Variants in CUX2 observed in about 807,000 individuals in gnomAD.
CUX2 encodes the protein homeobox protein cut-like 2.
In CUX2, 40 loss-of-function variants were observed where a neutral mutation model predicts 144.8. The ratio of observed to expected loss-of-function variants is 0.28; its 90% confidence interval spans 0.21 to 0.36. The LOEUF (loss-of-function observed/expected upper bound fraction) is 0.36. Among genes scored for constraint, CUX2 ranks in the 10% least tolerant of loss-of-function variants. CUX2 has a pLI of 1.00. For missense variants in CUX2, 1,615 were observed against 1,994.0 expected, an observed-to-expected ratio of 0.81 and a Z score of 3.62; for synonymous variants, 827 against 875.6, an observed-to-expected ratio of 0.94 and a Z score of 0.98.
chr12:111,242,271 A>G (rs1005182168), intron 3 of CUX2, among the ~76,000 whole-genome samples: 5 of 152,232 alleles, frequency 3.3e-5, no homozygotes, highest in African/African-American at 1.2e-4. Context: ...TGACTTTCCT[A>G]AGTTGCAACA....
intron 1 of CUX2, among the ~76,000 whole-genome samples, chr12:111,099,214 C>T (rs1873033954): frequency 6.6e-6 from 1 of 152,212 alleles, no homozygotes; most frequent in East Asian, 1.9e-4. Flanking sequence ...GAGGCAGGAA[C>T]GTGTGTTCAA....
intron 3 of CUX2, among the ~76,000 whole-genome samples, chr12:111,232,240 G>T (rs1220497819): frequency 6.6e-6 from 1 of 151,844 alleles, no homozygotes; most frequent in African/African-American, 2.4e-5. Context: ...GGAGGGTTGG[G>T]CACAATGGTT....
intron 21 of CUX2, 60 bp from the exon 22 acceptor site, chr12:111,347,464 G>A (rs1342196077): frequency 2.0e-6 from 3 of 1,479,758 alleles, no homozygotes; most frequent in Non-Finnish European, 1.8e-6. Flanking sequence ...GTATGCAGAT[G>A]GAGTCCAGGG....
At chr12:111,205,563 A>G (rs566181403) in intron 1 of CUX2, among the ~76,000 whole-genome samples, 2 of 152,294 alleles carry the variant, frequency 1.3e-5, no homozygotes, top group East Asian at 3.9e-4. Flanking sequence ...TCATGCACAC[A>G]GCCCCCACCC....
At chr12:111,288,526 C>T (rs1885508551) in intron 4 of CUX2, among the ~76,000 whole-genome samples, 2 of 151,852 alleles carry the variant, frequency 1.3e-5, no homozygotes, top group Non-Finnish European at 2.9e-5. Context: ...CAGATACTGG[C>T]AGAAAAATCT....
intron 1 of CUX2, among the ~76,000 whole-genome samples, chr12:111,047,191 A>G (rs1048521185): frequency 2.0e-5 from 3 of 152,182 alleles, no homozygotes; most frequent in Non-Finnish European, 4.4e-5. Flanking sequence ...ATTCCGCGAG[A>G]TGGAATTCTC....
intron 1 of CUX2, among the ~76,000 whole-genome samples, chr12:111,094,039 A>C (rs919352126): frequency 6.6e-6 from 1 of 152,222 alleles, no homozygotes; most frequent in East Asian, 1.9e-4. Flanking sequence ...GGCTGTTTAA[A>C]TAAGTATCTA....
In CUX2 at chr12:111,222,368, G is replaced by C. The variant is rs557103424; in HGVS notation, c.222+4431G>C. Among the ~76,000 whole-genome samples the C allele has an allele frequency of 2.0e-3, 305 of 152,308 alleles. 1 individual carries two copies. Among genetic ancestry groups the C allele is most frequent in the African/African-American group, 6.4e-3 (268 of 41,574 alleles). On this transcript the variant is annotated intron_variant, in intron 3 of 21. Transcript: ENST00000261726. ...CGGAGGTGAAACTTTTCTGAAGCGC[G>C]TGTGCACTGTCCCAGCTTGAAAGAC...
At position 111,178,603 on chromosome 12, in the gene CUX2, C is replaced by G. The variant is rs1318981609; in HGVS notation, c.64-35597C>G. On this transcript the variant is annotated intron_variant, in intron 1 of 21. Transcript: ENST00000261726. The surrounding 1 kb of genome is among the most constrained non-coding windows in gnomAD (Gnocchi z 5.7). ...ACGGGTGGGACACTGGGAGGGAGGG[C>G]AGGGGTCCCCACTTTGATCAGTCAA... Among the ~76,000 whole-genome samples, 3 of 152,134 alleles carry G rather than the reference C, an allele frequency of 2.0e-5. No individual in the cohort carries two copies. The highest frequency in any genetic ancestry group is 4.4e-5 in the Non-Finnish European group (3 of 68,022).
intron 1 of CUX2, among the ~76,000 whole-genome samples, chr12:111,187,817 C>T (rs976919052): frequency 1.3e-4 from 20 of 152,330 alleles, no homozygotes; most frequent in Admixed American, 3.3e-4. Context: ...GATGTCTGTG[C>T]TGGGGGCAGG....
At position 111,034,729 on chromosome 12, in the gene CUX2, A is replaced by C. The variant is rs994997798; in HGVS notation, c.63+489A>C. On this transcript the variant is annotated intron_variant, in intron 1 of 21. Coordinates refer to ENST00000261726, the MANE Select transcript of CUX2 (RefSeq NM_015267.4). The surrounding 1 kb of genome is among the most constrained non-coding windows in gnomAD (Gnocchi z 4.2). The stretch of plus-strand genomic sequence containing the variant: ...GGCGGGCAGGGAGGAGGAGGAGGAG[A>C]GGAGGAGGAGGAGGAGAGAGGAGGA... Among the ~76,000 whole-genome samples, 3 of 149,898 alleles carry C rather than the reference A, an allele frequency of 2.0e-5. No individual in the cohort carries two copies. The highest frequency in any genetic ancestry group is 3.0e-5 in the Non-Finnish European group (2 of 67,096).
chr12:111,080,588 A>G (rs1039613772), intron 1 of CUX2, among the ~76,000 whole-genome samples: 1 of 151,708 alleles, frequency 6.6e-6, no homozygotes, highest in African/African-American at 2.4e-5. Flanking sequence ...CTGAGGCAGG[A>G]GGATCACTTG....
chr12:111,221,616 T>C (rs1041525486), intron 3 of CUX2, among the ~76,000 whole-genome samples: 1 of 152,196 alleles, frequency 6.6e-6, no homozygotes, highest in Non-Finnish European at 1.5e-5. Context: ...AGGCCTTTCC[T>C]TGAAATATAC....
intron 19 of CUX2, among the ~76,000 whole-genome samples, chr12:111,337,587 C>A (rs926403599): frequency 1.3e-5 from 2 of 152,222 alleles, no homozygotes; most frequent in Non-Finnish European, 2.9e-5. Context: ...GCAGCTATCC[C>A]AGGCAGTGGA....
chr12:111,168,476 T>C (rs1299299015), intron 1 of CUX2, among the ~76,000 whole-genome samples: 1 of 152,182 alleles, frequency 6.6e-6, no homozygotes, highest in Non-Finnish European at 1.5e-5. Flanking sequence ...GTTGGTTCCT[T>C]CCAAGCAGGA....
intron 1 of CUX2, among the ~76,000 whole-genome samples, chr12:111,063,581 G>A (rs888112171): frequency 6.6e-6 from 1 of 152,208 alleles, no homozygotes; most frequent in Non-Finnish European, 1.5e-5. Flanking sequence ...GTGGGCTTCC[G>A]TTTTAGATCA....
intron 5 of CUX2, among the ~76,000 whole-genome samples, chr12:111,292,422 T>A (rs186621169): frequency 6.6e-6 from 1 of 152,092 alleles, no homozygotes; most frequent in Admixed American, 6.5e-5. Flanking sequence ...AAACCCTGTC[T>A]CTACTAAAAA....
At chr12:111,131,307 C>A (rs1446506782) in intron 1 of CUX2, among the ~76,000 whole-genome samples, 1 of 152,136 alleles carries the variant, frequency 6.6e-6, no homozygotes, top group African/African-American at 2.4e-5. Context: ...AAGACCAGCC[C>A]CTGTGATTCC....
intron 18 of CUX2, among the ~76,000 whole-genome samples, chr12:111,330,717 A>G (rs1463594213): frequency 2.0e-5 from 1 of 50,542 alleles, no homozygotes. Flanking sequence ...ATATATATAT[A>G]TATATATATA....
Sources: gnomAD v4.1 joint callset for allele counts (sites outside exome capture counted in the v4.1 genomes callset) on GRCh38, gnomAD v4.1.1 for gene constraint, Gnocchi (gnomAD v3.1) non-coding constraint, MANE v1.5 for transcripts, NCBI Gene and HGNC (gene_info 2026-07-23, HGNC 2026-07-21) for gene names.